SIPA1L1: variants seen among roughly 807,000 people sequenced by gnomAD.
SIPA1L1 encodes the protein signal induced proliferation associated 1 like 1.
Under a neutral mutation model 162.7 loss-of-function variants are expected in SIPA1L1, and 26 were observed. The observed-to-expected ratio is 0.16, with a 90% CI of 0.12 to 0.22. The LOEUF is 0.22. SIPA1L1 is among the 10% of genes least tolerant of loss of function. The pLI is 1.00. For synonymous variants in SIPA1L1, 829 were observed against 837.4 expected (o/e 0.99, Z 0.17); for missense variants, 1,874 against 2,241.0 (o/e 0.84, Z 3.31).
At chr14:71,387,153 C>A (rs2040388633) in intron 2 of SIPA1L1, among the ~76,000 whole-genome samples, 1 of 141,916 alleles carries the variant, frequency 7.0e-6, no homozygotes, top group South Asian at 2.2e-4. Context: ...GAGGCTGAGG[C>A]AGAAGAATTG....
chr14:71,677,648 G>T (rs889920215), intron 12 of SIPA1L1, among the ~76,000 whole-genome samples: 7 of 152,284 alleles, frequency 4.6e-5, no homozygotes, highest in African/African-American at 1.7e-4. Flanking sequence ...ATTAATTTTT[G>T]TATAAGGTGT....
intron 2 of SIPA1L1, among the ~76,000 whole-genome samples, chr14:71,331,833 A>G (rs1594851154): frequency 2.0e-5 from 3 of 152,206 alleles, no homozygotes; most frequent in Admixed American, 2.0e-4. Context: ...TATATTTTGG[A>G]TGTGTTAAAA....
chr14:71,623,142 T>A (rs1487117481), intron 6 of SIPA1L1, among the ~76,000 whole-genome samples: 2 of 152,226 alleles, frequency 1.3e-5, no homozygotes, highest in Non-Finnish European at 2.9e-5. Flanking sequence ...CTTGTTATAC[T>A]TTGTTGGGTA....
rs74060391 is a variant in SIPA1L1 at position 71,686,862 on chromosome 14, G to A, written c.3374+1231G>A. ...TTGGGGAGAAGGGAGGGTCCATGTG[G>A]AAGCCAAAACATGAGCCTGACTCAT... is the stretch of plus-strand genomic sequence containing the variant. On this transcript the variant is annotated intron_variant, in intron 13 of 23. Transcript: ENST00000381232. Among the ~76,000 whole-genome samples, 875 of 152,300 alleles carry A rather than the reference G, an allele frequency of 5.7e-3. 10 individuals are homozygous for A. Among genetic ancestry groups the A allele is most frequent in the African/African-American group, 0.02 (847 of 41,560 alleles).
Position 71,588,532 on chromosome 14 carries a change from A to C in SIPA1L1, c.660A>C (p.Glu220Asp), listed in dbSNP as rs755658372. The change falls in exon 5 of 24, where the codon GAA becomes GAC. Residue 220 changes from glutamate (E) to aspartate (D), a missense_variant. Glu to Asp is a conservative substitution (Grantham distance 45, BLOSUM62 2). Around this residue, in one of 5 missense-constraint regions of SIPA1L1, gnomAD observed 685 missense variants for 828.0 expected, o/e 0.83. Transcript: ENST00000381232. The surrounding 1 kb of genome is among the most constrained non-coding windows in gnomAD (Gnocchi z 4.3). ...TTGATAAACAGGGAACATCTGGAGAAAGCTTTTTTGATTTGTTAAAGGGCT... is the reference window on the plus strand; with the variant it reads ...TTGATAAACAGGGAACATCTGGAGACAGCTTTTTTGATTTGTTAAAGGGCT... ...SSIDKQGTSG[E>D]SFFDLLKGYK... is the part of the protein sequence containing the mutation. 1.2e-6 allele frequency: 2 copies of C among 1,614,144 alleles called. No individual in the cohort carries two copies. Among genetic ancestry groups the C allele is most frequent in the East Asian group, 4.5e-5 (2 of 44,876 alleles).
intron 7 of SIPA1L1, among the ~76,000 whole-genome samples, chr14:71,625,468 T>G (rs1596484817): frequency 6.6e-6 from 1 of 152,220 alleles, no homozygotes; most frequent in South Asian, 2.1e-4. Context: ...CCTGGCCAGG[T>G]GTCTCTTTTC....
chr14:71,671,012 C>A, intron 10 of SIPA1L1, 107 bp from the exon 11 acceptor site: 1 of 845,160 alleles, frequency 1.2e-6, no homozygotes, highest in Non-Finnish European at 1.9e-6. Flanking sequence ...AAATAAGCAG[C>A]TATTTTGTAT....
intron 7 of SIPA1L1, among the ~76,000 whole-genome samples, chr14:71,639,563 A>G (rs776008918): frequency 6.6e-5 from 10 of 152,204 alleles, no homozygotes; most frequent in Non-Finnish European, 1.2e-4. Context: ...TTGTGGTTAT[A>G]GACAAGATTA....
intron 22 of SIPA1L1, among the ~76,000 whole-genome samples, chr14:71,735,970 CA>C (rs1481314526): frequency 2.0e-5 from 3 of 152,200 alleles, no homozygotes; most frequent in Non-Finnish European, 4.4e-5. Context: ...CCCTTAGTTT[CA>C]AAATGGTGAG....
At chr14:71,532,965 G>T (rs916497841) in intron 4 of SIPA1L1, among the ~76,000 whole-genome samples, 1 of 152,160 alleles carries the variant, frequency 6.6e-6, no homozygotes, top group Admixed American at 6.5e-5. Context: ...AACCTCTACA[G>T]GGTGGTGGAG....
chr14:71,545,415 T>C (rs1454381509), intron 4 of SIPA1L1, among the ~76,000 whole-genome samples: 3 of 152,186 alleles, frequency 2.0e-5, no homozygotes, highest in African/African-American at 7.2e-5. Flanking sequence ...TTTCATTAGA[T>C]ATAGATTTTC....
chr14:71,326,097 T>C (rs1396871710), intron 2 of SIPA1L1, among the ~76,000 whole-genome samples: 2 of 152,216 alleles, frequency 1.3e-5, no homozygotes, highest in Admixed American at 6.5e-5. Context: ...ATTTCACAGA[T>C]ATGAAAGTTA....
intron 5 of SIPA1L1, among the ~76,000 whole-genome samples, chr14:71,593,703 A>G (rs770998499): frequency 5.3e-5 from 8 of 152,146 alleles, no homozygotes; most frequent in Non-Finnish European, 7.3e-5. Flanking sequence ...CACCGAGTGT[A>G]TAATTGTCTA....
chr14:71,700,609 T>C (rs1016037838), intron 14 of SIPA1L1, among the ~76,000 whole-genome samples: 1 of 152,194 alleles, frequency 6.6e-6, no homozygotes, highest in Non-Finnish European at 1.5e-5. Context: ...AAGTGCTACA[T>C]CAGTATGTGA....
At chr14:71,370,224 C>T (rs943775886) in intron 2 of SIPA1L1, among the ~76,000 whole-genome samples, 31 of 150,482 alleles carry the variant, frequency 2.1e-4, no homozygotes, top group Admixed American at 1.0e-3. Context: ...TGAGAGAGGG[C>T]ATCCCTGTCT....
At chr14:71,727,719 G>A (rs576533331) in intron 19 of SIPA1L1, among the ~76,000 whole-genome samples, 5 of 152,336 alleles carry the variant, frequency 3.3e-5, no homozygotes, top group South Asian at 2.1e-4. Context: ...ACCAGGCAGC[G>A]CTCCTGGGCA....
At chr14:71,394,107 G>C (rs1027522572) in intron 2 of SIPA1L1, among the ~76,000 whole-genome samples, 1 of 152,206 alleles carries the variant, frequency 6.6e-6, no homozygotes, top group Non-Finnish European at 1.5e-5. Context: ...GCCAGCAAGG[G>C]CGGAGGAAGG....
At chr14:71,722,589 T>C (rs1178441590) in intron 17 of SIPA1L1, among the ~76,000 whole-genome samples, 1 of 152,088 alleles carries the variant, frequency 6.6e-6, no homozygotes, top group Non-Finnish European at 1.5e-5. Flanking sequence ...AGTATGAAAA[T>C]CCTACAGTTA....
chr14:71,360,443 G>T (rs1327130850), intron 2 of SIPA1L1, among the ~76,000 whole-genome samples: 1 of 152,122 alleles, frequency 6.6e-6, no homozygotes, highest in East Asian at 1.9e-4. Flanking sequence ...GCTAGTTAAC[G>T]GCAGAGTTGG....
Sources: allele counts gnomAD v4.1 joint callset (sites outside exome capture counted in the v4.1 genomes callset), GRCh38; gene constraint gnomAD v4.1.1; regional missense constraint gnomAD v4.1.1; non-coding constraint Gnocchi (gnomAD v3.1); transcripts MANE v1.5; gene names NCBI Gene and HGNC (gene_info 2026-07-23, HGNC 2026-07-21).